Variants in CAT observed in about 807,000 individuals in gnomAD.
CAT encodes the protein catalase.
CAT carries 43 observed loss-of-function variants against 59.0 expected under a neutral mutation model. The ratio of observed to expected loss-of-function variants is 0.73; its 90% CI spans 0.57 to 0.94. The LOEUF is 0.94. CAT is among the 40% of genes least tolerant of loss of function. The pLI is 0.00. For synonymous variants in CAT, 218 were observed against 230.9 expected (o/e 0.94, Z 0.51); for missense variants, 664 against 682.9 (o/e 0.97, Z 0.31).
intron 5 of CAT, 74 bp from the exon 6 acceptor site, chr11:34,453,727 A>C (rs576686491): frequency 6.5e-4 from 928 of 1,426,356 alleles, no homozygotes; most frequent in Admixed American, 1.7e-3. Flanking sequence ...TCTGGAAACT[A>C]AGGAATATCT....
intron 5 of CAT, among the ~76,000 whole-genome samples, chr11:34,453,402 C>A (rs1465388086): frequency 6.6e-6 from 1 of 152,162 alleles, no homozygotes; most frequent in African/African-American, 2.4e-5. Flanking sequence ...TGATAGATAG[C>A]TAGCAACATT....
chr11:34,460,576 G>A (rs545094798), intron 8 of CAT, among the ~76,000 whole-genome samples: 4 of 151,296 alleles, frequency 2.6e-5, no homozygotes, highest in African/African-American at 9.7e-5. Flanking sequence ...GCCTGTTGGA[G>A]TAGCTGGGAC....
At chr11:34,458,874 A>G (rs7101395) in intron 8 of CAT, among the ~76,000 whole-genome samples, 6,595 of 152,308 alleles carry the variant, frequency 0.043, 468 homozygotes, top group African/African-American at 0.15. Flanking sequence ...GCAAATGTCT[A>G]AGGCAGCTAT....
intron 6 of CAT, among the ~76,000 whole-genome samples, chr11:34,455,518 T>G (rs1856578236): frequency 1.3e-5 from 2 of 150,104 alleles, no homozygotes; most frequent in South Asian, 4.2e-4. Flanking sequence ...TGAGCTATGA[T>G]TCTATGATTT....
At chr11:34,449,430 A>G (rs187338290) in intron 2 of CAT, 67 bp downstream of exon 2, 1 of 1,402,814 alleles carries the variant, frequency 7.1e-7, no homozygotes, top group Admixed American at 1.7e-5. Flanking sequence ...GTTATTTCCC[A>G]AAGGATTGGA....
At chr11:34,465,991 G>A (rs1856710555) in intron 10 of CAT, among the ~76,000 whole-genome samples, 1 of 152,206 alleles carries the variant, frequency 6.6e-6, no homozygotes, top group South Asian at 2.1e-4. Context: ...TAATTTGTAA[G>A]CACTGGTCCA....
At chr11:34,450,095 A>T (rs546036832) in intron 2 of CAT, among the ~76,000 whole-genome samples, 9 of 152,188 alleles carry the variant, frequency 5.9e-5, no homozygotes, top group African/African-American at 1.9e-4. Context: ...CTCCACACAG[A>T]TGGTGGCCTC....
intron 6 of CAT, 28 bp downstream of exon 6, chr11:34,453,954 A>G (rs960785468): frequency 1.2e-6 from 2 of 1,611,394 alleles, no homozygotes; most frequent in South Asian, 1.1e-5. Flanking sequence ...GGCAGAGGGT[A>G]CAAGGCTCCT....
chr11:34,465,316 T>C (rs1856702490), intron 10 of CAT, among the ~76,000 whole-genome samples: 1 of 152,242 alleles, frequency 6.6e-6, no homozygotes. Flanking sequence ...TTGAAAAGCA[T>C]TTACGTATAT....
At chr11:34,452,267 A>T in intron 4 of CAT, 60 bp downstream of exon 4, 1 of 1,539,050 alleles carries the variant, frequency 6.5e-7, no homozygotes, top group Non-Finnish European at 9.0e-7. Flanking sequence ...GATTTCAAAT[A>T]GGTTGGCATT....
chr11:34,461,200 A>C (rs1284639340), intron 8 of CAT, 51 bp from the exon 9 acceptor site: 1 of 1,595,170 alleles, frequency 6.3e-7, no homozygotes, highest in Non-Finnish European at 8.6e-7. Context: ...GCCCATTCCT[A>C]TGTTATATGT....
chr11:34,464,358 G>C, intron 10 of CAT, 123 bp downstream of exon 10: 1 of 1,027,866 alleles, frequency 9.7e-7, no homozygotes, highest in Non-Finnish European at 1.5e-6. Context: ...ATTCAAGGAA[G>C]ACTCATCTGT....
chr11:34,439,164 G>A (rs12270780), intron 1 of CAT, 85 bp downstream of exon 1: 353,939 of 1,297,586 alleles, frequency 0.27, 50,193 homozygotes, highest in African/African-American at 0.35. Context: ...TTCCCCCGGG[G>A]CGGCGCTTGG....
At chr11:34,447,976 A>G (rs534948873) in intron 1 of CAT, among the ~76,000 whole-genome samples, 44 of 152,302 alleles carry the variant, frequency 2.9e-4, no homozygotes, top group Non-Finnish European at 5.0e-4. Context: ...TTGGATGAAG[A>G]TATAACTCTA....
At chr11:34,460,922 G>T in intron 8 of CAT, 1 of 356,548 alleles carries the variant, frequency 2.8e-6, no homozygotes, top group Non-Finnish European at 5.4e-6. Context: ...ATTTTATAAT[G>T]CAATACTTCC....
chr11:34,461,168 A>G, intron 8 of CAT, 83 bp from the exon 9 acceptor site: 1 of 1,491,694 alleles, frequency 6.7e-7, no homozygotes, highest in Non-Finnish European at 9.4e-7. Context: ...TTTGTACTTC[A>G]AATTTCAGAA....
intron 1 of CAT, among the ~76,000 whole-genome samples, chr11:34,441,523 G>C (rs1268766862): frequency 2.0e-5 from 3 of 152,166 alleles, no homozygotes; most frequent in Non-Finnish European, 4.4e-5. Context: ...GGCTGGGCAT[G>C]AAGGCTTATG....
At chr11:34,439,553 A>G (rs1336581908) in intron 1 of CAT, among the ~76,000 whole-genome samples, 2 of 152,198 alleles carry the variant, frequency 1.3e-5, no homozygotes, top group Non-Finnish European at 2.9e-5. Context: ...AGCACCAGTC[A>G]CAGTGACTGG....
chr11:34,439,186 C>A, intron 1 of CAT, 107 bp downstream of exon 1: 2 of 1,056,136 alleles, frequency 1.9e-6, no homozygotes, highest in Non-Finnish European at 2.9e-6. Context: ...GGGACTGTAC[C>A]GCGGCTCACT....
Sources: allele counts gnomAD v4.1 joint callset (sites outside exome capture counted in the v4.1 genomes callset), GRCh38; gene constraint gnomAD v4.1.1; transcripts MANE v1.5; gene names NCBI Gene and HGNC (gene_info 2026-07-23, HGNC 2026-07-21).